ADAP2: variants seen among roughly 807,000 people sequenced by gnomAD.
The protein encoded by ADAP2 is arf-GAP with dual PH domain-containing protein 2.
In ADAP2, 42 loss-of-function variants were observed where a neutral mutation model predicts 54.9. The ratio of observed to expected loss-of-function variants is 0.77; its 90% confidence interval spans 0.60 to 0.99. The LOEUF is 0.99. Among genes scored for constraint, ADAP2 ranks in the 50% least tolerant of loss-of-function variants. The pLI is 0.00. For missense variants in ADAP2, 429 were observed against 480.4 expected (o/e 0.89, Z 1.00); for synonymous variants, 177 against 180.1 (o/e 0.98, Z 0.14).
In ADAP2 at chr17:30,956,392, G is replaced by A. The variant is rs754179444; in HGVS notation, c.1034G>A (p.Ser345Asn). 1 of 1,614,228 alleles carries A rather than the reference G, an allele frequency of 6.2e-7. No homozygotes were observed. The change falls in exon 10 of 11, where the codon AGT becomes AAT. Residue 345 changes from serine (S) to asparagine (N), a missense_variant. Transcript: ENST00000330889. ...PERRFVLTCP[S>N]EKEQQEWLES... ...CGGAGATTTGTCCTCACTTGCCCCA[G>A]TGAGAAGGAACAGCAGGAATGGCTG...
At chr17:30,955,152 C>T (rs1162590887) in intron 9 of ADAP2, among the ~76,000 whole-genome samples, 2 of 151,638 alleles carry the variant, frequency 1.3e-5, no homozygotes, top group African/African-American at 2.4e-5. Context: ...CTCTGTCACC[C>T]AGGCTGGAAT....
chr17:30,944,988 C>T lies in ADAP2; in HGVS notation c.592C>T (p.Leu198=), dbSNP rs1446864102. The T allele has an allele frequency of 1.2e-6, 2 of 1,613,918 alleles. No homozygotes were observed. The highest frequency in any genetic ancestry group is 1.7e-6 in the Non-Finnish European group (2 of 1,179,970). Residue 198 remains leucine, a synonymous_variant, in exon 6 of 11, where the codon CTG becomes TTG. Transcript: ENST00000330889. ...QTEKIGHPHG[L]QITYRRDGHT... is the part of the protein sequence containing the mutation. ...AGAGAAGATAGGGCACCCCCATGGG[C>T]TGCAGATCACCTACAGGAGAGATGG...
At position 30,959,228 on chromosome 17, in the gene ADAP2, A is replaced by G. The variant is rs1278325675; in HGVS notation, c.*1359A>G. Reference sequence around the variant, plus strand: ...GGTCTAGAGGAGAAGAACGAGAAGTATAGATAGGCAGTAACAAAGCTACTT... The same window carrying G: ...GGTCTAGAGGAGAAGAACGAGAAGTGTAGATAGGCAGTAACAAAGCTACTT... On this transcript the variant is annotated 3_prime_UTR_variant, in exon 11 of 11. Coordinates refer to ENST00000330889, the MANE Select transcript of ADAP2 (RefSeq NM_018404.3). 6.6e-6 allele frequency: 1 copy of G among 152,230 alleles called. No individual in the cohort carries two copies. The highest frequency in any genetic ancestry group is 1.5e-5 in the Non-Finnish European group (1 of 68,036). The allele number at this position is 152,230 out of a possible 1,614,324, so 9.4% of individuals were successfully genotyped here.
At position 30,956,428 on chromosome 17, in the gene ADAP2, G is replaced by A. The variant is rs372824181; in HGVS notation, c.1070G>A (p.Arg357Gln). ...KEQQEWLESL[R>Q]GVLSSPLTPL... ...CAGCAGGAATGGCTGGAAAGTTTGC[G>A]GGGTGTCCTGTCCAGCCCCTTGACG... Residue 357 changes from arginine to glutamine, a missense_variant, in exon 10 of 11, where the codon CGG becomes CAG. Transcript: ENST00000330889. 107 of 1,614,070 alleles carry A rather than the reference G, an allele frequency of 6.6e-5. 2 individuals are homozygous for A. The highest frequency in any genetic ancestry group is 3.3e-4 in the East Asian group (15 of 44,896).
chr17:30,932,319 A>G (rs1187283324), intron 4 of ADAP2, among the ~76,000 whole-genome samples: 2 of 150,886 alleles, frequency 1.3e-5, no homozygotes, highest in African/African-American at 2.4e-5. Flanking sequence ...TGCAGCTTCA[A>G]TCTCCCGGGC....
At chr17:30,950,618 TAG>T (rs1904558881) in intron 7 of ADAP2, among the ~76,000 whole-genome samples, 1 of 152,188 alleles carries the variant, frequency 6.6e-6, no homozygotes, top group Non-Finnish European at 1.5e-5. Context: ...TCTCAACCAT[TAG>T]AGTTTCCTTG....
At chr17:30,932,275 C>T (rs1911552093) in intron 4 of ADAP2, among the ~76,000 whole-genome samples, 2 of 148,506 alleles carry the variant, frequency 1.3e-5, no homozygotes, top group Admixed American at 6.8e-5. Flanking sequence ...CTCTGTTGTC[C>T]AGCCTGGAGT....
At chr17:30,954,432 A>C (rs1487120672) in intron 8 of ADAP2, 46 bp from the exon 9 acceptor site, 1 of 1,580,344 alleles carries the variant, frequency 6.3e-7, no homozygotes, top group Non-Finnish European at 8.7e-7. Context: ...CTCTATCCTC[A>C]GAAACTGACC....
intron 3 of ADAP2, 58 bp downstream of exon 3, chr17:30,926,976 C>T: frequency 1.5e-6 from 2 of 1,335,638 alleles, no homozygotes; most frequent in East Asian, 2.3e-5. Flanking sequence ...CCACCTCCTC[C>T]CCCTCTCCAT....
At chr17:30,952,374 T>G (rs1019200212) in intron 7 of ADAP2, among the ~76,000 whole-genome samples, 8 of 152,124 alleles carry the variant, frequency 5.3e-5, no homozygotes, top group Non-Finnish European at 8.8e-5. Context: ...TTTCTTTTCT[T>G]TTTTGTTTTG....
At chr17:30,957,042 G>A in intron 10 of ADAP2, 1 of 157,680 alleles carries the variant, frequency 6.3e-6, no homozygotes, top group Non-Finnish European at 1.4e-5. Context: ...GCAGGAAACT[G>A]CTGGCCCAGG....
intron 7 of ADAP2, 32 bp from the exon 8 acceptor site, chr17:30,953,230 CGGGAACCTGGAGCCTTGGGGTGTGAG>C: frequency 6.4e-7 from 1 of 1,568,522 alleles, no homozygotes; most frequent in East Asian, 2.2e-5. Context: ...CCAAGCTCGG[CGGGAACCTGGAGCCTTGGGGTGTGAG>C]TTGGGGGTCA....
At chr17:30,930,206 G>A (rs1183590027) in intron 3 of ADAP2, among the ~76,000 whole-genome samples, 1 of 151,900 alleles carries the variant, frequency 6.6e-6, no homozygotes, top group Admixed American at 6.6e-5. Flanking sequence ...CAAGTAGCTG[G>A]GATTACAGGC....
At chr17:30,932,010 G>A (rs1322028392) in intron 4 of ADAP2, 42 bp downstream of exon 4, 1 of 1,583,422 alleles carries the variant, frequency 6.3e-7, no homozygotes, top group Non-Finnish European at 8.7e-7. Flanking sequence ...ATGTTTTAAT[G>A]AGCTCTAGAA....
At chr17:30,937,291 G>A (rs879451695) in intron 5 of ADAP2, among the ~76,000 whole-genome samples, 3 of 149,746 alleles carry the variant, frequency 2.0e-5, no homozygotes, top group East Asian at 2.0e-4. Flanking sequence ...GTGTGATCTC[G>A]GCTCACTGCA....
Position 30,958,190 on chromosome 17 carries a change from A to C in ADAP2, c.*321A>C. On this transcript the variant is annotated 3_prime_UTR_variant, in exon 11 of 11. Transcript: ENST00000330889. ...GAGGCATTGCAATGAAAAGGCACCC[A>C]CAGCATCATGCAAGTGGCATCTTGT... The C allele has an allele frequency of 2.9e-6, 1 of 339,856 alleles. No homozygotes were observed. The allele number at this position is 339,856 out of a possible 1,614,324, so 21.1% of individuals were successfully genotyped here.
At chr17:30,923,164 G>A in intron 2 of ADAP2, 94 bp downstream of exon 2, 5 of 1,439,160 alleles carry the variant, frequency 3.5e-6, no homozygotes, top group Non-Finnish European at 4.8e-6. Context: ...GGGAAACTGA[G>A]AACCAGAGAG....
chr17:30,922,950 G>A lies in ADAP2; in HGVS notation c.105G>A (p.Trp35Ter), dbSNP rs1443575715. 6.2e-7 allele frequency: 1 copy of A among 1,613,622 alleles called. No individual in the cohort carries two copies. The highest frequency in any genetic ancestry group is 8.5e-7 in the Non-Finnish European group (1 of 1,179,946). ...CCTCATCCCCTGCAGATCCCGACTGGGCCTCTTACAAGCTGGGGATCTTCA... is the reference window on the plus strand; with the variant it reads ...CCTCATCCCCTGCAGATCCCGACTGAGCCTCTTACAAGCTGGGGATCTTCA... ...CADCGAADPD[W>*]ASYKLGIFIC... The change falls in exon 2 of 11, where the codon TGG becomes TGA. Residue 35 changes from tryptophan (W) to a stop codon, truncating the protein, a stop_gained. Transcript: ENST00000330889. LOFTEE classifies it high-confidence loss of function.
chr17:30,929,112 A>C (rs1911295978), intron 3 of ADAP2, among the ~76,000 whole-genome samples: 1 of 152,114 alleles, frequency 6.6e-6, no homozygotes, highest in Non-Finnish European at 1.5e-5. Context: ...TACTTGGAAG[A>C]CCTCAGTTTT....
Sources: allele counts gnomAD v4.1 joint callset (sites outside exome capture counted in the v4.1 genomes callset), GRCh38; gene constraint gnomAD v4.1.1; transcripts MANE v1.5; gene names NCBI Gene and HGNC (gene_info 2026-07-23, HGNC 2026-07-21).